CARD10: variants seen among roughly 807,000 people sequenced by gnomAD.
The protein encoded by CARD10 is caspase recruitment domain-containing protein 10.
Under a neutral mutation model 114.6 loss-of-function variants are expected in CARD10, and 49 were observed. The ratio of observed to expected loss-of-function variants is 0.43; its 90% CI spans 0.34 to 0.54. The LOEUF (loss-of-function observed/expected upper bound fraction) is 0.54. CARD10 is among the 20% of genes least tolerant of loss of function. The pLI is 0.03. For synonymous variants in CARD10, 602 were observed against 593.2 expected (o/e 1.01, Z -0.21); for missense variants, 1,206 against 1,397.2 (o/e 0.86, Z 2.18).
Position 37,491,850 on chromosome 22 carries a change from C to T in CARD10, c.2769G>A (p.Glu923=). The change falls in exon 19 of 20, where the codon GAG becomes GAA. Residue 923 remains glutamate, a synonymous_variant. Coordinates refer to ENST00000251973, the MANE Select transcript of CARD10 (RefSeq NM_014550.4). ...GCTCCCGCACACCCCGAGCACCCAG[C>T]TCCAGCAGGCAGTGCTTCTGCTTGG... ...ESVGKKHCLL[E]LGARGVRELV... 3.7e-6 allele frequency: 6 copies of T among 1,608,230 alleles called. No individual in the cohort carries two copies. Among genetic ancestry groups the T allele is most frequent in the Non-Finnish European group, 5.1e-6 (6 of 1,179,124 alleles).
intron 7 of CARD10, 57 bp from the exon 8 acceptor site, chr22:37,504,826 A>G: frequency 1.8e-6 from 2 of 1,106,564 alleles, no homozygotes; most frequent in Non-Finnish European, 2.5e-6. Context: ...CGTCAACCAC[A>G]GTCCTTTACT....
intron 5 of CARD10, among the ~76,000 whole-genome samples, 198 bp downstream of exon 5, chr22:37,508,325 CCCCT>C (rs541284138): frequency 1.3e-3 from 196 of 152,342 alleles, no homozygotes; most frequent in African/African-American, 4.2e-3. Flanking sequence ...GCTGGAGTTC[CCCCT>C]CAAGGAAAAG....
intron 1 of CARD10, among the ~76,000 whole-genome samples, chr22:37,518,333 A>AC (rs1419420702): frequency 6.6e-6 from 1 of 150,628 alleles, no homozygotes. Context: ...GCTCCCCAAC[A>AC]CCCCCCACAG....
Position 37,495,792 on chromosome 22 carries a change from G to A in CARD10, c.2271C>T (p.Asp757=). 1.9e-6 allele frequency: 3 copies of A among 1,613,992 alleles called. No homozygotes were observed. The highest frequency in any genetic ancestry group is 2.5e-6 in the Non-Finnish European group (3 of 1,180,034). Residue 757 remains aspartate, a synonymous_variant, in exon 14 of 20, where the codon GAC becomes GAT. Coordinates refer to ENST00000251973, the MANE Select transcript of CARD10 (RefSeq NM_014550.4). ...CTRVDPLTLR[D]LDRGTVPNYQ... ...AATTGGGCACGGTGCCCCGGTCCAG[G>A]TCCCGCAGAGTGAGGGGGTCAACCC...
intron 3 of CARD10, 196 bp from the exon 4 acceptor site, chr22:37,510,617 G>A: frequency 1.7e-6 from 1 of 580,596 alleles, no homozygotes; most frequent in Non-Finnish European, 3.0e-6. Context: ...TGAGGAAGGA[G>A]CAGTGGGTAG....
intron 3 of CARD10, 108 bp downstream of exon 3, chr22:37,515,865 C>T: frequency 2.3e-6 from 2 of 859,580 alleles, no homozygotes; most frequent in Non-Finnish European, 3.6e-6. Flanking sequence ...AGGACTTATC[C>T]ACGTCAAAGA....
chr22:37,506,921 C>T (rs756456542), intron 6 of CARD10, among the ~76,000 whole-genome samples: 17 of 152,334 alleles, frequency 1.1e-4, no homozygotes, highest in Non-Finnish European at 1.9e-4. Context: ...ATCAGAACGT[C>T]CAGAGAATGA....
At chr22:37,504,160 T>C (rs201558402) in intron 9 of CARD10, 26 bp downstream of exon 9, 14 of 1,487,058 alleles carry the variant, frequency 9.4e-6, no homozygotes, top group Admixed American at 5.9e-5. Context: ...TCCCTGGGTG[T>C]CTACTGCTAT....
chr22:37,507,163 G>A (rs1370083620), intron 6 of CARD10, among the ~76,000 whole-genome samples: 1 of 152,194 alleles, frequency 6.6e-6, no homozygotes, highest in African/African-American at 2.4e-5. Context: ...TGTAATACCA[G>A]CTACTTGGGA....
chr22:37,506,445 T>C, intron 6 of CARD10, 62 bp from the exon 7 acceptor site: 1 of 1,325,772 alleles, frequency 7.5e-7, no homozygotes, highest in Non-Finnish European at 1.0e-6. Context: ...TTTCCTGGCC[T>C]ATGACTTGGA....
Position 37,496,617 on chromosome 22 carries a change from C to T in CARD10, c.1948-57G>A. The T allele has an allele frequency of 7.7e-7, 1 of 1,292,180 alleles. No individual in the cohort carries two copies. Among genetic ancestry groups the T allele is most frequent in the Non-Finnish European group, 1.1e-6 (1 of 902,094 alleles). The allele number at this position is 1,292,180 out of a possible 1,614,324, so 80.0% of individuals were successfully genotyped here. A position where few individuals can be genotyped will look rare whatever the true frequency, so the allele number is the denominator to read the frequency against. On this transcript the variant is annotated intron_variant, in intron 12 of 19. Transcript: ENST00000251973. The surrounding 1 kb of genome is among the most constrained non-coding windows in gnomAD (Gnocchi z 4.1). ...AGTGAGCCTCTGAGAGTAGAGCAGCCCAGGGGCTGGAGGAAGACCAGGTGT... is the reference window on the plus strand; with the variant it reads ...AGTGAGCCTCTGAGAGTAGAGCAGCTCAGGGGCTGGAGGAAGACCAGGTGT...
At chr22:37,495,405 G>C (rs1922960598) in intron 15 of CARD10, 112 bp downstream of exon 15, 2 of 776,694 alleles carry the variant, frequency 2.6e-6, no homozygotes, top group South Asian at 1.7e-5. Flanking sequence ...TAAATCACCA[G>C]GGAAGGAGGG....
At chr22:37,499,236 C>T (rs1020941430) in intron 11 of CARD10, among the ~76,000 whole-genome samples, 2 of 152,158 alleles carry the variant, frequency 1.3e-5, no homozygotes, top group African/African-American at 2.4e-5. Context: ...GGCCCAGCTG[C>T]TCAGCCGCTT....
Position 37,495,776 on chromosome 22 carries a change from C to G in CARD10, c.2287G>C (p.Val763Leu). 1 of 1,613,880 alleles carries G rather than the reference C, an allele frequency of 6.2e-7. No individual in the cohort carries two copies. Among genetic ancestry groups the G allele is most frequent in the African/African-American group, 1.3e-5 (1 of 75,068 alleles). Reference sequence around the variant, plus strand: ...CTGCGTCACCTCTGATAATTGGGCACGGTGCCCCGGTCCAGGTCCCGCAGA... The same window carrying G: ...CTGCGTCACCTCTGATAATTGGGCAGGGTGCCCCGGTCCAGGTCCCGCAGA... ...LTLRDLDRGTVPNYQRAQQLL... is the reference protein window; with the variant it reads ...LTLRDLDRGTLPNYQRAQQLL... Residue 763 changes from valine (V) to leucine (L), a missense_variant, in exon 14 of 20, where the codon GTG becomes CTG. This residue lies in a region of CARD10 where 1,068 missense variants were observed against 1,179.1 expected (regional missense o/e 0.91). Coordinates refer to ENST00000251973, the MANE Select transcript of CARD10 (RefSeq NM_014550.4).
chr22:37,492,571 G>A lies in CARD10; in HGVS notation c.2636-21C>T, dbSNP rs367987784. The A allele has an allele frequency of 6.2e-7, 1 of 1,602,886 alleles. No individual in the cohort carries two copies. Among genetic ancestry groups the A allele is most frequent in the Non-Finnish European group, 8.5e-7 (1 of 1,173,614 alleles). On this transcript the variant is annotated intron_variant, in intron 17 of 19. Transcript: ENST00000251973. This position sits in a 1 kb window ranked among gnomAD's most constrained non-coding sequence, Gnocchi z 5.7. ...GCTTTCTGCACAGGGAGTGGAGAGG[G>A]AGAGATGAAGGATCCATGGGCCCGG...
At chr22:37,518,826 T>C in intron 1 of CARD10, 140 bp downstream of exon 1, 2 of 1,054,892 alleles carry the variant, frequency 1.9e-6, no homozygotes, top group Middle Eastern at 3.2e-4. Context: ...CTGGTGGGCA[T>C]ACCCAGCCGG....
intron 1 of CARD10, 113 bp from the exon 2 acceptor site, chr22:37,518,221 G>C: frequency 2.0e-6 from 2 of 1,024,876 alleles, no homozygotes; most frequent in Non-Finnish European, 2.9e-6. Context: ...TTTTGAGCCA[G>C]TGACACACAC....
chr22:37,502,832 T>C (rs973051537), intron 10 of CARD10, 107 bp from the exon 11 acceptor site: 7 of 1,348,166 alleles, frequency 5.2e-6, no homozygotes, highest in Non-Finnish European at 6.0e-6. Flanking sequence ...CTTGGCAGGT[T>C]TGAGGCCCCA....
intron 6 of CARD10, among the ~76,000 whole-genome samples, chr22:37,507,210 T>A (rs987806255): frequency 5.9e-5 from 9 of 152,198 alleles, no homozygotes; most frequent in African/African-American, 2.2e-4. Flanking sequence ...CTGGGAGGCC[T>A]CAGTGAGCTG....
Sources: allele counts gnomAD v4.1 joint callset (sites outside exome capture counted in the v4.1 genomes callset), GRCh38; gene constraint gnomAD v4.1.1; regional missense constraint gnomAD v4.1.1; non-coding constraint Gnocchi (gnomAD v3.1); transcripts MANE v1.5; gene names NCBI Gene and HGNC (gene_info 2026-07-23, HGNC 2026-07-21).